The following TENM4 variants were observed in gnomAD, a reference collection of about 807,000 sequenced individuals.
TENM4 encodes the protein teneurin-4.
TENM4 carries 82 observed loss-of-function variants against 243.3 expected under a neutral mutation model. The ratio of observed to expected loss-of-function variants is 0.34; its 90% CI spans 0.28 to 0.40. The LOEUF (loss-of-function observed/expected upper bound fraction) is 0.40, where lower values mean the gene tolerates loss of function less well. TENM4 is among the 10% of genes least tolerant of loss of function. TENM4 has a pLI of 1.00. For missense variants in TENM4, 3,138 were observed against 3,673.3 expected (o/e 0.85, Z 3.77); for synonymous variants, 1,412 against 1,456.3 (o/e 0.97, Z 0.69).
intron 6 of TENM4, among the ~76,000 whole-genome samples, chr11:78,963,343 T>A (rs935772365): frequency 6.6e-6 from 1 of 152,200 alleles, no homozygotes; most frequent in South Asian, 2.1e-4. Flanking sequence ...CTCAGACAAT[T>A]TGCAGTCTTA....
chr11:79,437,066 C>G (rs1489266386), intron 1 of TENM4, among the ~76,000 whole-genome samples: 1 of 152,230 alleles, frequency 6.6e-6, no homozygotes, highest in Non-Finnish European at 1.5e-5. Context: ...AGGAGACACC[C>G]GTTCACTCCA....
chr11:78,726,013 G>T, intron 23 of TENM4, 66 bp downstream of exon 23: 1 of 1,582,074 alleles, frequency 6.3e-7, no homozygotes, highest in Non-Finnish European at 8.6e-7. Context: ...TGTTTGGCAG[G>T]GCACAAGGGA....
At chr11:78,986,183 G>A (rs1251884010) in intron 6 of TENM4, among the ~76,000 whole-genome samples, 1 of 152,158 alleles carries the variant, frequency 6.6e-6, no homozygotes, top group Non-Finnish European at 1.5e-5. Context: ...TCTAACTTGG[G>A]TGTTGGCTGA....
intron 6 of TENM4, among the ~76,000 whole-genome samples, chr11:79,055,724 C>T (rs1198571454): frequency 6.6e-6 from 1 of 152,170 alleles, no homozygotes; most frequent in Non-Finnish European, 1.5e-5. Context: ...CTGAGTTTCT[C>T]CGTTTCTTCA....
intron 2 of TENM4, among the ~76,000 whole-genome samples, chr11:79,236,058 T>C (rs1864464047): frequency 6.6e-6 from 1 of 152,164 alleles, no homozygotes; most frequent in South Asian, 2.1e-4. Flanking sequence ...TTGATTCCTG[T>C]AGGAAGGATA....
At chr11:78,729,023 C>G (rs1431812188) in intron 22 of TENM4, among the ~76,000 whole-genome samples, 2 of 151,954 alleles carry the variant, frequency 1.3e-5, no homozygotes, top group Non-Finnish European at 2.9e-5. Flanking sequence ...CATTTTTTAG[C>G]TCTCCTATTT....
chr11:79,440,257 G>A lies in TENM4; in HGVS notation c.-321+252C>T, dbSNP rs547690797. ...GCCCTCCCCCAACCCTTGCTCCCAG[G>A]CTCCAGTCCGCGGCGGGCTCCGGGG... On this transcript the variant is annotated intron_variant, in intron 1 of 33. Transcript: ENST00000278550. The surrounding 1 kb of genome is among the most constrained non-coding windows in gnomAD (Gnocchi z 4.7). 4.0e-4 allele frequency among the ~76,000 whole-genome samples: 61 copies of A among 152,126 alleles called. No individual in the cohort carries two copies. The highest frequency in any genetic ancestry group is 9.2e-4 in the Admixed American group (14 of 15,294).
chr11:78,873,111 C>T (rs1333507799), intron 9 of TENM4, among the ~76,000 whole-genome samples: 1 of 152,206 alleles, frequency 6.6e-6, no homozygotes, highest in Non-Finnish European at 1.5e-5. Flanking sequence ...TCCCAGTCTC[C>T]AGTCCCATGG....
chr11:78,938,611 A>G (rs1856832721), intron 6 of TENM4, among the ~76,000 whole-genome samples: 1 of 152,170 alleles, frequency 6.6e-6, no homozygotes, highest in East Asian at 1.9e-4. Flanking sequence ...ATAATATTTT[A>G]ATAGGAAGGG....
intron 10 of TENM4, among the ~76,000 whole-genome samples, chr11:78,858,052 G>A (rs1289069291): frequency 6.6e-6 from 1 of 152,186 alleles, no homozygotes; most frequent in African/African-American, 2.4e-5. Flanking sequence ...CTGAGCTGAT[G>A]GGATTTGAGA....
chr11:78,787,001 G>C lies in TENM4; in HGVS notation c.2262C>G (p.Ala754=). 3 of 1,572,976 alleles carry C rather than the reference G, an allele frequency of 1.9e-6. No individual in the cohort carries two copies. Among genetic ancestry groups the C allele is most frequent in the Non-Finnish European group, 2.6e-6 (3 of 1,159,258 alleles). The change falls in exon 16 of 34, where the codon GCC becomes GCG. Residue 754 remains alanine (A), a synonymous_variant. Transcript: ENST00000278550. ...CRCEDGWMGA[A]CDQRACHPRC... ...GCGGGTGGCAGGCCCGCTGGTCGCAGGCTGCCCCCATCCAGCCATCCTCGC... is the reference window on the plus strand; with the variant it reads ...GCGGGTGGCAGGCCCGCTGGTCGCACGCTGCCCCCATCCAGCCATCCTCGC...
intron 9 of TENM4, among the ~76,000 whole-genome samples, chr11:78,866,041 T>A (rs2136231065): frequency 6.6e-6 from 1 of 152,358 alleles, no homozygotes; most frequent in South Asian, 2.1e-4. Flanking sequence ...GAGCACCTTT[T>A]TTGGTACCAG....
chr11:78,707,223 C>T (rs1859278794), intron 27 of TENM4, among the ~76,000 whole-genome samples: 1 of 152,230 alleles, frequency 6.6e-6, no homozygotes, highest in Non-Finnish European at 1.5e-5. Flanking sequence ...TTTGATGTAA[C>T]TCAATGCTCC....
intron 5 of TENM4, 25 bp from the exon 6 acceptor site, chr11:79,065,032 G>A: frequency 6.9e-7 from 1 of 1,452,032 alleles, no homozygotes; most frequent in Non-Finnish European, 9.1e-7. Context: ...AGGTGAACTT[G>A]GTTAGGGCAC....
intron 6 of TENM4, among the ~76,000 whole-genome samples, chr11:78,930,955 C>G (rs1418121329): frequency 6.6e-6 from 1 of 152,158 alleles, no homozygotes; most frequent in African/African-American, 2.4e-5. Context: ...AATGGTTATG[C>G]TTTTCATTTT....
intron 9 of TENM4, among the ~76,000 whole-genome samples, chr11:78,877,942 T>C (rs889447507): frequency 6.6e-6 from 1 of 152,130 alleles, no homozygotes; most frequent in Admixed American, 6.5e-5. Flanking sequence ...CTGGGAAGAG[T>C]ACACTTCTTG....
chr11:79,408,186 A>G (rs1305539201), intron 1 of TENM4, among the ~76,000 whole-genome samples: 2 of 152,196 alleles, frequency 1.3e-5, no homozygotes, highest in African/African-American at 2.4e-5. Context: ...TTACAGGTGT[A>G]AGCCACCATG....
At chr11:79,307,778 C>G (rs1856651507) in intron 1 of TENM4, among the ~76,000 whole-genome samples, 1 of 152,174 alleles carries the variant, frequency 6.6e-6, no homozygotes, top group African/African-American at 2.4e-5. Context: ...TTGCCCAGGC[C>G]CCCCAGATCC....
intron 1 of TENM4, among the ~76,000 whole-genome samples, chr11:79,373,558 T>C (rs1307354378): frequency 6.6e-6 from 1 of 152,004 alleles, no homozygotes; most frequent in Admixed American, 6.6e-5. Context: ...AGGAGGCATT[T>C]CAAAGAGAAG....
Sources: gnomAD v4.1 joint callset for allele counts (sites outside exome capture counted in the v4.1 genomes callset) on GRCh38, gnomAD v4.1.1 for gene constraint, Gnocchi (gnomAD v3.1) non-coding constraint, MANE v1.5 for transcripts, NCBI Gene and HGNC (gene_info 2026-07-23, HGNC 2026-07-21) for gene names.